Variants in PVT1 observed in about 807,000 individuals in gnomAD.
PVT1 encodes the protein CXCR4/PVT1 fusion.
intron 4 of PVT1, chr8:127,989,298 G>A (rs532011106): frequency 1.3e-5 from 2 of 152,202 alleles, no homozygotes; most frequent in South Asian, 2.1e-4. Flanking sequence ...TAAGGTAAGC[G>A]ACTTTATCTT....
At chr8:127,889,290 C>A (rs561060977) in intron 2 of PVT1, among the ~76,000 whole-genome samples, 1 of 152,002 alleles carries the variant, frequency 6.6e-6, no homozygotes, top group South Asian at 2.1e-4. Flanking sequence ...CCACCACACC[C>A]AGCTAATTTT....
chr8:127,882,436 CAGA>C (rs1172289066), intron 2 of PVT1, among the ~76,000 whole-genome samples: 3 of 152,118 alleles, frequency 2.0e-5, no homozygotes, highest in African/African-American at 4.8e-5. Flanking sequence ...CTCCCTTCCT[CAGA>C]AGAAGATAAA....
chr8:127,861,586 C>G (rs762405304), intron 2 of PVT1, among the ~76,000 whole-genome samples: 4 of 151,924 alleles, frequency 2.6e-5, no homozygotes, highest in Non-Finnish European at 5.9e-5. Context: ...TATATTATGA[C>G]CATCTCCTCT....
chr8:127,967,031 C>G (rs117809282), intron 3 of PVT1, among the ~76,000 whole-genome samples: 1,809 of 152,294 alleles, frequency 0.012, 24 homozygotes, highest in Middle Eastern at 0.024. Context: ...GAGGAGGCAG[C>G]TGATGCTAGC....
intron 2 of PVT1, among the ~76,000 whole-genome samples, chr8:127,845,293 C>T (rs965391912): frequency 1.3e-5 from 2 of 152,106 alleles, no homozygotes; most frequent in African/African-American, 4.8e-5. Flanking sequence ...GGGGACTGAG[C>T]TTGGATCTAG....
At chr8:127,833,297 C>T (rs1482833105) in intron 2 of PVT1, among the ~76,000 whole-genome samples, 1 of 152,140 alleles carries the variant, frequency 6.6e-6, no homozygotes, top group Non-Finnish European at 1.5e-5. Flanking sequence ...TGAGGATTGT[C>T]TGCATTCCTC....
intron 5 of PVT1, among the ~76,000 whole-genome samples, chr8:128,085,659 C>G (rs1338142376): frequency 6.6e-6 from 1 of 152,192 alleles, no homozygotes; most frequent in Non-Finnish European, 1.5e-5. Flanking sequence ...CATTTTACGA[C>G]TCACCCTTAA....
intron 2 of PVT1, among the ~76,000 whole-genome samples, chr8:127,881,068 TGCTG>T (rs1005987351): frequency 2.0e-5 from 3 of 152,232 alleles, no homozygotes; most frequent in African/African-American, 7.2e-5. Flanking sequence ...TGAAGGTGCC[TGCTG>T]GTAGAAGGCT....
intron 3 of PVT1, among the ~76,000 whole-genome samples, chr8:127,909,536 T>C (rs540209387): frequency 1.3e-5 from 2 of 152,336 alleles, no homozygotes; most frequent in South Asian, 2.1e-4. Flanking sequence ...CAAGGATCAG[T>C]TGAAATAGTG....
chr8:128,028,396 G>C (rs1199960275), intron 4 of PVT1, among the ~76,000 whole-genome samples: 1 of 152,242 alleles, frequency 6.6e-6, no homozygotes, highest in East Asian at 1.9e-4. Context: ...CAGGCTCCCT[G>C]TTCTCCATAG....
At chr8:128,068,565 C>T (rs1182709198) in intron 4 of PVT1, among the ~76,000 whole-genome samples, 3 of 152,134 alleles carry the variant, frequency 2.0e-5, no homozygotes, top group East Asian at 1.9e-4. Context: ...GGTGCGATCT[C>T]GGCTCACTGC....
intron 2 of PVT1, among the ~76,000 whole-genome samples, chr8:127,836,627 C>T (rs1472728424): frequency 6.6e-6 from 1 of 152,126 alleles, no homozygotes; most frequent in Non-Finnish European, 1.5e-5. Context: ...ATAACTCTGA[C>T]TGCTAATAAT....
intron 4 of PVT1, among the ~76,000 whole-genome samples, chr8:128,029,664 G>A (rs1048256441): frequency 2.0e-5 from 3 of 152,124 alleles, no homozygotes; most frequent in East Asian, 3.9e-4. Flanking sequence ...GCTGAGCGTG[G>A]TGGCGCTAAC....
intron 4 of PVT1, among the ~76,000 whole-genome samples, chr8:128,035,332 T>C (rs985589040): frequency 6.6e-6 from 1 of 152,158 alleles, no homozygotes; most frequent in African/African-American, 2.4e-5. Context: ...CTCAAGCCAA[T>C]GAGGTGCTGA....
At chr8:128,074,820 A>C (rs1814063445) in intron 5 of PVT1, among the ~76,000 whole-genome samples, 1 of 152,216 alleles carries the variant, frequency 6.6e-6, no homozygotes, top group African/African-American at 2.4e-5. Flanking sequence ...AGCTGTGTGC[A>C]ACCATCTTCC....
At chr8:128,047,727 A>G (rs901122338) in intron 4 of PVT1, among the ~76,000 whole-genome samples, 1 of 152,228 alleles carries the variant, frequency 6.6e-6, no homozygotes, top group Non-Finnish European at 1.5e-5. Context: ...TTAAGTTGTG[A>G]TAAAATGGAA....
At chr8:128,012,214 G>C (rs1221073371) in intron 4 of PVT1, among the ~76,000 whole-genome samples, 1 of 152,138 alleles carries the variant, frequency 6.6e-6, no homozygotes, top group East Asian at 1.9e-4. Context: ...GGCAGAAGAG[G>C]AATACATGGG....
At chr8:127,819,738 T>C (rs1055338751) in intron 2 of PVT1, among the ~76,000 whole-genome samples, 9 of 152,216 alleles carry the variant, frequency 5.9e-5, no homozygotes, top group Admixed American at 5.9e-4. Context: ...CCAGAGTTCC[T>C]GGGGTACATA....
At chr8:128,095,377 T>C (rs1029319327) in intron 5 of PVT1, among the ~76,000 whole-genome samples, 2 of 152,184 alleles carry the variant, frequency 1.3e-5, no homozygotes, top group African/African-American at 4.8e-5. Flanking sequence ...GAAGCCCAGC[T>C]TCTAGAACAG....
Sources: gnomAD v4.1 joint callset for allele counts (sites outside exome capture counted in the v4.1 genomes callset) on GRCh38, gnomAD v4.1.1 for gene constraint, MANE v1.5 for transcripts, NCBI Gene and HGNC (gene_info 2026-07-23, HGNC 2026-07-21) for gene names.